Variants in SUMF1 observed in about 807,000 individuals in gnomAD.
The protein encoded by SUMF1 is formylglycine-generating enzyme.
A neutral mutation model predicts 47.6 loss-of-function variants in SUMF1; 48 were observed. That is an observed-to-expected ratio of 1.01 (90% confidence interval 0.80 to 1.28). The LOEUF is 1.28. Among genes scored for constraint, SUMF1 ranks in the 50% most tolerant of loss-of-function variants. The pLI is 0.00. For synonymous variants in SUMF1, 230 were observed against 192.1 expected, an observed-to-expected ratio of 1.20 and a Z score of -1.63; for missense variants, 571 against 485.4, an observed-to-expected ratio of 1.18 and a Z score of -1.66.
intron 8 of SUMF1, among the ~76,000 whole-genome samples, chr3:4,200,895 T>C (rs1695526666): frequency 6.6e-6 from 1 of 152,162 alleles, no homozygotes; most frequent in African/African-American, 2.4e-5. Context: ...GTTCCACTGA[T>C]CTATAGTTTA....
intron 8 of SUMF1, among the ~76,000 whole-genome samples, chr3:4,127,915 C>T (rs535994750): frequency 4.0e-4 from 61 of 152,228 alleles, no homozygotes; most frequent in African/African-American, 1.3e-3. Flanking sequence ...TGTTTAGAGA[C>T]TTACACAAAA....
chr3:4,312,012 A>G (rs149560609), intron 8 of SUMF1, among the ~76,000 whole-genome samples: 435 of 152,316 alleles, frequency 2.9e-3, no homozygotes, highest in African/African-American at 0.01. Context: ...ACATTTTACA[A>G]ATGTAATGTT....
rs529027960 is a variant in SUMF1 at position 4,250,335 on chromosome 3, G to T, written c.1014+125995C>A. Reference sequence around the variant, plus strand: ...GGGAGAGAAGAAGGGAGGGAGGGAAGGAAGGGAAGGGAAAGAAAGGAAAGA... The same window carrying T: ...GGGAGAGAAGAAGGGAGGGAGGGAATGAAGGGAAGGGAAAGAAAGGAAAGA... On this transcript the variant is annotated intron_variant and NMD_transcript_variant, in intron 8 of 12. Transcript: ENST00000448413. 2.6e-5 allele frequency among the ~76,000 whole-genome samples: 4 copies of T among 151,378 alleles called. No individual in the cohort carries two copies. In the South Asian group the frequency reaches 8.4e-4, roughly 32 times the overall value.
chr3:4,094,637 T>C (rs1474166913), intron 8 of SUMF1, among the ~76,000 whole-genome samples: 1 of 152,058 alleles, frequency 6.6e-6, no homozygotes, highest in Non-Finnish European at 1.5e-5. Context: ...CCAGCTTCAC[T>C]CCCTAATTTT....
chr3:4,270,721 T>G (rs902179760), intron 8 of SUMF1, among the ~76,000 whole-genome samples: 3 of 152,094 alleles, frequency 2.0e-5, no homozygotes, highest in African/African-American at 7.2e-5. Flanking sequence ...TAAAAATTAA[T>G]CAGGTCTGGA....
intron 6 of SUMF1, 46 bp downstream of exon 6, chr3:4,417,082 C>T: frequency 6.3e-7 from 1 of 1,575,426 alleles, no homozygotes; most frequent in African/African-American, 1.3e-5. Flanking sequence ...CTGGGAGCCT[C>T]AGTTCTCAGC....
chr3:4,148,950 A>T (rs1287212117), intron 8 of SUMF1, among the ~76,000 whole-genome samples: 1 of 152,122 alleles, frequency 6.6e-6, no homozygotes, highest in Non-Finnish European at 1.5e-5. Flanking sequence ...AAAACTTAAC[A>T]ATTTAAAGAG....
intron 8 of SUMF1, among the ~76,000 whole-genome samples, chr3:4,095,179 T>A (rs1397244737): frequency 6.6e-6 from 1 of 152,126 alleles, no homozygotes; most frequent in Non-Finnish European, 1.5e-5. Flanking sequence ...ATGAAATTTT[T>A]AAAAAATGAT....
chr3:4,123,883 C>T (rs1343290811), intron 8 of SUMF1, among the ~76,000 whole-genome samples: 3 of 152,080 alleles, frequency 2.0e-5, no homozygotes, highest in Admixed American at 6.6e-5. Context: ...GCGTCACAGA[C>T]ATTGATCAGA....
intron 8 of SUMF1, among the ~76,000 whole-genome samples, chr3:4,151,904 G>T (rs558349225): frequency 6.6e-6 from 1 of 151,504 alleles, no homozygotes; most frequent in Non-Finnish European, 1.5e-5. Flanking sequence ...ATGGTAAATA[G>T]CCATTTCTAT....
At chr3:4,304,841 G>A (rs1487770917) in intron 8 of SUMF1, among the ~76,000 whole-genome samples, 1 of 152,106 alleles carries the variant, frequency 6.6e-6, no homozygotes, top group African/African-American at 2.4e-5. Flanking sequence ...CTCAGGAGAT[G>A]CTGAGAACAT....
At chr3:4,182,440 C>T (rs1695116129) in intron 8 of SUMF1, among the ~76,000 whole-genome samples, 1 of 150,326 alleles carries the variant, frequency 6.7e-6, no homozygotes, top group South Asian at 2.1e-4. Context: ...TATTATATTA[C>T]TTCCCCTCTT....
At chr3:4,053,804 G>A (rs1313344640) in intron 9 of SUMF1, among the ~76,000 whole-genome samples, 4 of 152,062 alleles carry the variant, frequency 2.6e-5, no homozygotes, top group Admixed American at 2.6e-4. Context: ...TCACTACCTC[G>A]AGGTGATCAG....
chr3:4,066,566 T>G (rs569692224), intron 9 of SUMF1, among the ~76,000 whole-genome samples: 1 of 152,194 alleles, frequency 6.6e-6, no homozygotes, highest in East Asian at 1.9e-4. Flanking sequence ...ACTCACCAGA[T>G]CGGTGAGATG....
At chr3:4,466,331 C>T (rs1481913276) in intron 1 of SUMF1, among the ~76,000 whole-genome samples, 1 of 152,092 alleles carries the variant, frequency 6.6e-6, no homozygotes, top group Admixed American at 6.5e-5. Context: ...AGGCTGGTCT[C>T]GAACTCCTGA....
At chr3:4,341,891 C>T (rs945227872) in intron 8 of SUMF1, among the ~76,000 whole-genome samples, 1 of 152,148 alleles carries the variant, frequency 6.6e-6, no homozygotes, top group Non-Finnish European at 1.5e-5. Context: ...TGAAAATACT[C>T]CAATTCCAGT....
chr3:4,450,952 G>A (rs1702948543), intron 2 of SUMF1, among the ~76,000 whole-genome samples: 1 of 152,012 alleles, frequency 6.6e-6, no homozygotes, highest in Admixed American at 6.6e-5. Context: ...GGAGAGATGG[G>A]AAAAGAGTGC....
At chr3:4,221,277 G>C (rs914206592) in intron 8 of SUMF1, among the ~76,000 whole-genome samples, 2 of 152,098 alleles carry the variant, frequency 1.3e-5, no homozygotes, top group African/African-American at 4.8e-5. Context: ...TGCCTTCTTA[G>C]AGCTAGTTAG....
chr3:4,111,491 G>A (rs1047809249), intron 8 of SUMF1, among the ~76,000 whole-genome samples: 4 of 152,054 alleles, frequency 2.6e-5, no homozygotes, highest in African/African-American at 4.8e-5. Flanking sequence ...AGGCCAAGGC[G>A]GGTGGATCAC....
Sources: allele counts gnomAD v4.1 joint callset (sites outside exome capture counted in the v4.1 genomes callset), GRCh38; gene constraint gnomAD v4.1.1; transcripts MANE v1.5; gene names NCBI Gene and HGNC (gene_info 2026-07-23, HGNC 2026-07-21).